Variants in BMPR2 observed in about 807,000 individuals in gnomAD.
BMPR2 encodes bone morphogenetic protein receptor type 2.
BMPR2 carries 29 observed loss-of-function variants against 100.8 expected under a neutral mutation model. The ratio of observed to expected loss-of-function variants is 0.29; its 90% CI spans 0.21 to 0.39. The LOEUF (loss-of-function observed/expected upper bound fraction) is 0.39, where lower values mean the gene tolerates loss of function less well. BMPR2 is among the 10% of genes least tolerant of loss of function. The pLI, the probability that BMPR2 is intolerant of heterozygous loss-of-function variation, is 1.00. For missense variants in BMPR2, 1,011 were observed against 1,274.5 expected (o/e 0.79, Z 3.15); for synonymous variants, 382 against 442.3 (o/e 0.86, Z 1.71).
In BMPR2 at chr2:202,556,041, T is replaced by G; in HGVS notation, c.2376T>G (p.Asn792Lys). Residue 792 changes from asparagine (N) to lysine (K), a missense_variant, in exon 12 of 13, where the codon AAT (asparagine) becomes AAG (lysine). Asn to Lys is a moderately conservative substitution (Grantham distance 94). This residue lies in a region of BMPR2 where 508 missense variants were observed against 552.0 expected (regional missense o/e 0.92). Transcript: ENST00000374580. ...TCGAAACTGGAGTTGCCAAGATGAA[T>G]ACAATCAATGCAGCAGAACCTCATG... is the stretch of plus-strand genomic sequence containing the variant. ...KQVETGVAKM[N>K]TINAAEPHVV... is the part of the protein sequence containing the mutation. 1 of 1,614,144 alleles carries G rather than the reference T, an allele frequency of 6.2e-7. No homozygotes were observed. Among genetic ancestry groups the G allele is most frequent in the Non-Finnish European group, 8.5e-7 (1 of 1,180,034 alleles).
rs530751938 is a variant in BMPR2 at position 202,393,408 on chromosome 2, G to C, written c.76+15858G>C. Among the ~76,000 whole-genome samples the C allele has an allele frequency of 3.3e-5, 5 of 152,258 alleles. No homozygotes were observed. The East Asian group carries it at 9.7e-4, about 29-fold the overall frequency. On this transcript the variant is annotated intron_variant, in intron 1 of 12. Transcript: ENST00000374580. ...CTTTGCTTTGATCTATACTGGAGTA[G>C]GCTCCAAAACGGTGTACGATTCTTT... is the stretch of plus-strand genomic sequence containing the variant.
chr2:202,448,924 GGTGTGTGTGTGTGTGT>G (rs55680029), intron 1 of BMPR2, among the ~76,000 whole-genome samples: 13 of 142,928 alleles, frequency 9.1e-5, no homozygotes, highest in South Asian at 4.6e-4. Context: ...GTTTAGAATT[GGTGTGTGTGTGTGTGT>G]GTGTGTGTGT....
At position 202,565,600 on chromosome 2, in the gene BMPR2, T is replaced by A. The variant is rs1196545129; in HGVS notation, c.*5654T>A. ...ATTGTATATCATTTTGCCATTAAAA[T>A]TTTTTAACATATTGCAGCAAGCTTA... On this transcript the variant is annotated 3_prime_UTR_variant, in exon 13 of 13. Transcript: ENST00000374580. 6.6e-6 allele frequency: 1 copy of A among 152,610 alleles called. No individual in the cohort carries two copies. Among genetic ancestry groups the A allele is most frequent in the Non-Finnish European group, 1.5e-5 (1 of 68,018 alleles). The allele number at this position is 152,610 out of a possible 1,614,324, so 9.5% of individuals were successfully genotyped here.
intron 10 of BMPR2, among the ~76,000 whole-genome samples, chr2:202,544,086 G>A (rs535402054): frequency 3.3e-5 from 5 of 152,140 alleles, no homozygotes; most frequent in East Asian, 3.9e-4. Flanking sequence ...AGGTTGCAGC[G>A]AGGCGAGATC....
chr2:202,498,740 A>C (rs1462714770), intron 3 of BMPR2, among the ~76,000 whole-genome samples: 1 of 152,138 alleles, frequency 6.6e-6, no homozygotes, highest in African/African-American at 2.4e-5. Context: ...TTTTTTCTGC[A>C]CTACGGCTTG....
intron 10 of BMPR2, among the ~76,000 whole-genome samples, chr2:202,549,278 G>T (rs1265464029): frequency 6.6e-6 from 1 of 151,916 alleles, no homozygotes; most frequent in Non-Finnish European, 1.5e-5. Flanking sequence ...TGTAGCCATA[G>T]TTTATTAATT....
intron 2 of BMPR2, among the ~76,000 whole-genome samples, chr2:202,465,881 A>G (rs1391251959): frequency 1.3e-5 from 2 of 152,200 alleles, no homozygotes; most frequent in Non-Finnish European, 2.9e-5. Flanking sequence ...AACATACTGT[A>G]TAAACAATTT....
intron 3 of BMPR2, among the ~76,000 whole-genome samples, chr2:202,508,742 G>A (rs1415655933): frequency 6.6e-6 from 1 of 152,184 alleles, no homozygotes; most frequent in African/African-American, 2.4e-5. Flanking sequence ...GTATATAGTA[G>A]TAAGTTTTTT....
At position 202,565,913 on chromosome 2, in the gene BMPR2, ATATTAAAAC is replaced by A. The variant is rs1379567311; in HGVS notation, c.*5970_*5978del. ...AGTACTTCAGAAGAATTTATGCTGT[ATATTAAAAC>A]TAGGCTCAAAATAAATCTATCGTAT... On this transcript the variant is annotated 3_prime_UTR_variant, in exon 13 of 13. Coordinates refer to ENST00000374580, the MANE Select transcript of BMPR2 (RefSeq NM_001204.7). 1 of 152,212 alleles carries A rather than the reference ATATTAAAAC, an allele frequency of 6.6e-6. No individual in the cohort carries two copies. The highest frequency in any genetic ancestry group is 2.4e-5 in the African/African-American group (1 of 41,476). The allele number at this position is 152,212 out of a possible 1,614,324, so 9.4% of individuals were successfully genotyped here.
chr2:202,424,781 T>C (rs1053638629), intron 1 of BMPR2, among the ~76,000 whole-genome samples: 3 of 152,116 alleles, frequency 2.0e-5, no homozygotes, highest in African/African-American at 7.2e-5. Flanking sequence ...GCCAATATAC[T>C]CACTTGCTCT....
At chr2:202,537,096 G>C (rs567994816) in intron 9 of BMPR2, among the ~76,000 whole-genome samples, 1 of 151,810 alleles carries the variant, frequency 6.6e-6, no homozygotes, top group Non-Finnish European at 1.5e-5. Context: ...GTGTTTTGCT[G>C]TATTGCCCAG....
At chr2:202,434,326 A>G (rs1241294125) in intron 1 of BMPR2, among the ~76,000 whole-genome samples, 2 of 150,620 alleles carry the variant, frequency 1.3e-5, no homozygotes, top group Non-Finnish European at 1.5e-5. Flanking sequence ...GGTCCAGTCA[A>G]AGCAAAATGG....
At chr2:202,408,865 TC>T (rs1690953594) in intron 1 of BMPR2, among the ~76,000 whole-genome samples, 1 of 152,216 alleles carries the variant, frequency 6.6e-6, no homozygotes, top group African/African-American at 2.4e-5. Flanking sequence ...TTTGTTTTTA[TC>T]TGTTGCTTTA....
chr2:202,523,941 C>A (rs1328350132), intron 7 of BMPR2, among the ~76,000 whole-genome samples: 1 of 152,116 alleles, frequency 6.6e-6, no homozygotes, highest in African/African-American at 2.4e-5. Context: ...GAATAGAAAA[C>A]CAAATACCAC....
At chr2:202,534,221 G>GTGTGTGTA (rs1232363728) in intron 9 of BMPR2, among the ~76,000 whole-genome samples, 29 of 140,740 alleles carry the variant, frequency 2.1e-4, no homozygotes, top group African/African-American at 6.5e-4. Flanking sequence ...GTGTGTGTGT[G>GTGTGTGTA]TATATATATA....
intron 7 of BMPR2, among the ~76,000 whole-genome samples, chr2:202,526,927 A>G (rs192210555): frequency 6.6e-6 from 1 of 152,066 alleles, no homozygotes; most frequent in Non-Finnish European, 1.5e-5. Context: ...GCAATGGCAT[A>G]ATGTTGGCTC....
chr2:202,553,458 G>C (rs1039488618), intron 11 of BMPR2, among the ~76,000 whole-genome samples: 1 of 151,736 alleles, frequency 6.6e-6, no homozygotes, highest in African/African-American at 2.4e-5. Context: ...ATGATTTTTG[G>C]TTCTAAATAG....
At chr2:202,529,701 T>C (rs1687982556) in intron 7 of BMPR2, among the ~76,000 whole-genome samples, 1 of 152,158 alleles carries the variant, frequency 6.6e-6, no homozygotes, top group African/African-American at 2.4e-5. Flanking sequence ...CAAATTGTAC[T>C]GTTGCTTAAT....
rs1691671433 is a variant in BMPR2, at chr2:202,438,855, C to T, written c.77-25954C>T. Among the ~76,000 whole-genome samples the T allele has an allele frequency of 1.3e-5, 2 of 150,604 alleles. 1 individual carries two copies. Among genetic ancestry groups the T allele is most frequent in the African/African-American group, 5.0e-5 (2 of 39,964 alleles). ...TTTATTTCAGTACCACACTGTGCTACAGTCTTTATTTGTTGCTTTGTATTA... is the reference window on the plus strand; with the variant it reads ...TTTATTTCAGTACCACACTGTGCTATAGTCTTTATTTGTTGCTTTGTATTA... On this transcript the variant is annotated intron_variant, in intron 1 of 12. Transcript: ENST00000374580.
Sources: allele counts gnomAD v4.1 joint callset (sites outside exome capture counted in the v4.1 genomes callset), GRCh38; gene constraint gnomAD v4.1.1; regional missense constraint gnomAD v4.1.1; transcripts MANE v1.5; gene names NCBI Gene and HGNC (gene_info 2026-07-23, HGNC 2026-07-21).